CNTN5: variants seen among roughly 807,000 people sequenced by gnomAD.
The protein encoded by CNTN5 is contactin 5, also known as contactin-5.
Under a neutral mutation model 129.1 loss-of-function variants are expected in CNTN5, and 77 were observed. The observed-to-expected ratio is 0.60, with a 90% confidence interval of 0.50 to 0.72. CNTN5 has a LOEUF of 0.72. CNTN5 is among the 30% of genes least tolerant of loss of function. The probability of loss-of-function intolerance (pLI) is 0.00; values close to 1 mark genes in which losing one functional copy is unlikely to be tolerated. For synonymous variants in CNTN5, 509 were observed against 465.6 expected (o/e 1.09, Z -1.20); for missense variants, 1,478 against 1,328.8 (o/e 1.11, Z -1.75).
chr11:99,265,208 C>A (rs1214979705), intron 1 of CNTN5, among the ~76,000 whole-genome samples: 1 of 109,918 alleles, frequency 9.1e-6, no homozygotes, highest in Non-Finnish European at 1.9e-5. Context: ...AATAATATTG[C>A]AGAAAAAATG....
At chr11:99,038,396 C>A (rs942092564) in intron 1 of CNTN5, among the ~76,000 whole-genome samples, 2 of 152,054 alleles carry the variant, frequency 1.3e-5, no homozygotes, top group Non-Finnish European at 1.5e-5. Context: ...ATTAGCATAT[C>A]TATCATCTCA....
chr11:100,182,288 A>C (rs1424242691), intron 13 of CNTN5, among the ~76,000 whole-genome samples: 1 of 152,078 alleles, frequency 6.6e-6, no homozygotes, highest in African/African-American at 2.4e-5. Flanking sequence ...GAGGCTGTGA[A>C]GTCCAGGATC....
At chr11:99,885,514 C>T (rs1355139661) in intron 6 of CNTN5, among the ~76,000 whole-genome samples, 3 of 151,814 alleles carry the variant, frequency 2.0e-5, no homozygotes, top group South Asian at 2.1e-4. Context: ...TGTAAATAAG[C>T]AAAACTGAGA....
chr11:99,026,410 G>T (rs2135068389), intron 1 of CNTN5, among the ~76,000 whole-genome samples: 1 of 151,574 alleles, frequency 6.6e-6, no homozygotes, highest in African/African-American at 2.4e-5. Context: ...TATTTTCAAT[G>T]ATAAGAATTT....
chr11:99,159,845 T>C (rs966936990), intron 1 of CNTN5, among the ~76,000 whole-genome samples: 1 of 152,166 alleles, frequency 6.6e-6, no homozygotes, highest in African/African-American at 2.4e-5. Context: ...TGCTAGTTAT[T>C]TGAAGTTGTT....
At chr11:100,337,116 C>T in intron 21 of CNTN5, 1 of 1,412,714 alleles carries the variant, frequency 7.1e-7, no homozygotes, top group Admixed American at 1.7e-5. Context: ...AGACTTCAAC[C>T]AACATTGTTT....
intron 2 of CNTN5, among the ~76,000 whole-genome samples, chr11:99,379,412 G>A (rs551796322): frequency 1.1e-4 from 17 of 151,814 alleles, no homozygotes; most frequent in African/African-American, 3.9e-4. Context: ...ATTGATTTCT[G>A]GTTCAATACC....
intron 20 of CNTN5, among the ~76,000 whole-genome samples, chr11:100,304,146 C>G (rs950377107): frequency 6.6e-6 from 1 of 151,492 alleles, no homozygotes; most frequent in South Asian, 2.1e-4. Context: ...TAATGCTGTT[C>G]AACATTTTTA....
chr11:99,509,009 T>C (rs1460898358), intron 2 of CNTN5, among the ~76,000 whole-genome samples: 2 of 152,022 alleles, frequency 1.3e-5, no homozygotes, highest in Admixed American at 6.6e-5. Context: ...AATAAATACA[T>C]AAAGTGTAAA....
chr11:99,379,250 T>G (rs114515906), intron 2 of CNTN5, among the ~76,000 whole-genome samples: 1 of 150,474 alleles, frequency 6.6e-6, no homozygotes, highest in Non-Finnish European at 1.5e-5. Flanking sequence ...TATGAAAATA[T>G]TAATTATATT....
chr11:99,383,760 T>C (rs190184651), intron 2 of CNTN5, among the ~76,000 whole-genome samples: 2 of 152,346 alleles, frequency 1.3e-5, no homozygotes, highest in Non-Finnish European at 2.9e-5. Context: ...GGGCAGAAGC[T>C]GCTTTACCCT....
At chr11:99,123,145 A>G (rs559477906) in intron 1 of CNTN5, among the ~76,000 whole-genome samples, 1 of 152,262 alleles carries the variant, frequency 6.6e-6, no homozygotes, top group East Asian at 1.9e-4. Flanking sequence ...TGGCTGAAAT[A>G]ACTTACTTTC....
intron 13 of CNTN5, among the ~76,000 whole-genome samples, chr11:100,143,545 C>G (rs936724051): frequency 2.0e-5 from 3 of 152,044 alleles, no homozygotes; most frequent in African/African-American, 7.2e-5. Context: ...TGCAGTCACT[C>G]CTGGACAGAA....
chr11:99,700,741 C>G (rs753619740), intron 3 of CNTN5, among the ~76,000 whole-genome samples: 2 of 150,838 alleles, frequency 1.3e-5, no homozygotes, highest in Admixed American at 6.6e-5. Flanking sequence ...TGGCTACTGT[C>G]CTGGTCCTAT....
At chr11:99,324,866 C>T (rs1249006032) in intron 1 of CNTN5, among the ~76,000 whole-genome samples, 1 of 152,202 alleles carries the variant, frequency 6.6e-6, no homozygotes, top group East Asian at 1.9e-4. Flanking sequence ...TGGTCTCGAT[C>T]TCCTGACCTC....
chr11:100,348,369 A>G (rs1302867859), intron 23 of CNTN5, among the ~76,000 whole-genome samples: 1 of 151,990 alleles, frequency 6.6e-6, no homozygotes, highest in East Asian at 1.9e-4. Flanking sequence ...ATAGCACTCC[A>G]TCTCCCTGGA....
chr11:99,906,327 TG>T, intron 6 of CNTN5, among the ~76,000 whole-genome samples: 1 of 152,296 alleles, frequency 6.6e-6, no homozygotes, highest in African/African-American at 2.4e-5. Flanking sequence ...CCTAGCTTAT[TG>T]AGAGTTTTTA....
At chr11:99,210,324 C>T (rs1859704368) in intron 1 of CNTN5, among the ~76,000 whole-genome samples, 1 of 152,140 alleles carries the variant, frequency 6.6e-6, no homozygotes, top group African/African-American at 2.4e-5. Context: ...TACATCATAT[C>T]ATAACATTTA....
chr11:99,762,482 A>G (rs2135285699), intron 3 of CNTN5, among the ~76,000 whole-genome samples: 1 of 152,004 alleles, frequency 6.6e-6, no homozygotes, highest in East Asian at 1.9e-4. Context: ...CTTTCTCCAT[A>G]TGGCTAGCCA....
Sources: allele counts gnomAD v4.1 joint callset (sites outside exome capture counted in the v4.1 genomes callset), GRCh38; gene constraint gnomAD v4.1.1; transcripts MANE v1.5; gene names NCBI Gene and HGNC (gene_info 2026-07-23, HGNC 2026-07-21).